STON2: variants seen among roughly 807,000 people sequenced by gnomAD.
STON2 encodes stonin-2.
In STON2, 29 loss-of-function variants were observed where a neutral mutation model predicts 65.7. The ratio of observed to expected loss-of-function variants is 0.44; its 90% CI spans 0.33 to 0.60. The LOEUF (loss-of-function observed/expected upper bound fraction) is 0.60, where lower values mean the gene tolerates loss of function less well. STON2 is among the 20% of genes least tolerant of loss of function. The probability of loss-of-function intolerance (pLI) is 0.03; values close to 1 mark genes in which losing one functional copy is unlikely to be tolerated. For synonymous variants in STON2, 404 were observed against 414.2 expected (o/e 0.98, Z 0.30); for missense variants, 1,054 against 1,118.1 (o/e 0.94, Z 0.82).
At chr14:81,298,421 G>GC (rs201472918) in intron 5 of STON2, among the ~76,000 whole-genome samples, 1,116 of 65,056 alleles carry the variant, frequency 0.017, 11 homozygotes, top group African/African-American at 0.046. Flanking sequence ...AGATGGGGGG[G>GC]GGGAATCACA....
At chr14:81,362,931 T>C (rs1275959344) in intron 4 of STON2, among the ~76,000 whole-genome samples, 1 of 152,188 alleles carries the variant, frequency 6.6e-6, no homozygotes. Flanking sequence ...CAAAGAATTG[T>C]GGTCCAGTGA....
chr14:81,382,045 C>T (rs1462095091), intron 3 of STON2, among the ~76,000 whole-genome samples: 1 of 152,022 alleles, frequency 6.6e-6, no homozygotes, highest in Non-Finnish European at 1.5e-5. Flanking sequence ...CAGTGAAACC[C>T]CATCTCTACT....
rs1448344171 is a variant in STON2 at position 81,264,096 on chromosome 14, C to T, written c.*4318G>A. On this transcript the variant is annotated 3_prime_UTR_variant, in exon 8 of 8. Coordinates refer to ENST00000614646, the MANE Select transcript of STON2 (RefSeq NM_001394390.1). ...ACCATTGAAATGGGCAAGGCTCAGG[C>T]TCATGGATCTGTTTGACTTGCAGGA... is the stretch of plus-strand genomic sequence containing the variant. 1.0e-6 allele frequency: 1 copy of T among 985,312 alleles called. No individual in the cohort carries two copies. The highest frequency in any genetic ancestry group is 1.2e-6 in the Non-Finnish European group (1 of 829,944). The allele number at this position is 985,312 out of a possible 1,614,324, so 61.0% of individuals were successfully genotyped here.
Position 81,261,770 on chromosome 14 carries a change from G to T in STON2, c.*6644C>A, listed in dbSNP as rs768154871. On this transcript the variant is annotated 3_prime_UTR_variant, in exon 8 of 8. Coordinates refer to ENST00000614646, the MANE Select transcript of STON2 (RefSeq NM_001394390.1). ...ACATCTATTTTGGAGACCTGTCTGT[G>T]CCTCTTCATGCTCACACCATTGTTC... is the stretch of plus-strand genomic sequence containing the variant. The T allele has an allele frequency of 1.1e-5, 17 of 1,510,156 alleles. No individual in the cohort carries two copies. The South Asian group carries it at 2.1e-4, about 19-fold the overall frequency. The allele number at this position is 1,510,156 out of a possible 1,614,324, so 93.5% of individuals were successfully genotyped here.
chr14:81,357,539 C>A (rs1241907561), intron 4 of STON2, among the ~76,000 whole-genome samples: 3 of 151,332 alleles, frequency 2.0e-5, no homozygotes, highest in African/African-American at 4.9e-5. Flanking sequence ...ACCCAGCCAT[C>A]CCATTACTGG....
intron 4 of STON2, among the ~76,000 whole-genome samples, chr14:81,326,950 A>G (rs557005939): frequency 1.3e-5 from 2 of 152,146 alleles, no homozygotes; most frequent in African/African-American, 2.4e-5. Flanking sequence ...CTCCCCACCC[A>G]TTGTCCTAAG....
At chr14:81,394,487 C>G (rs1900221770) in intron 3 of STON2, among the ~76,000 whole-genome samples, 1 of 152,024 alleles carries the variant, frequency 6.6e-6, no homozygotes, top group Non-Finnish European at 1.5e-5. Flanking sequence ...TTTCCAGAAC[C>G]TGTGAATATG....
intron 4 of STON2, among the ~76,000 whole-genome samples, chr14:81,332,807 T>C (rs533566160): frequency 5.9e-4 from 90 of 152,378 alleles, no homozygotes; most frequent in African/African-American, 2.1e-3. Flanking sequence ...ATATTTATTA[T>C]ATCAGTCATT....
At chr14:81,293,451 C>T (rs760632262) in intron 5 of STON2, among the ~76,000 whole-genome samples, 1 of 152,080 alleles carries the variant, frequency 6.6e-6, no homozygotes, top group Non-Finnish European at 1.5e-5. Context: ...GGATTACAGG[C>T]GTGAGTCACC....
intron 1 of STON2, among the ~76,000 whole-genome samples, chr14:81,434,741 G>T (rs143602638): frequency 1.3e-5 from 2 of 152,064 alleles, no homozygotes; most frequent in Non-Finnish European, 2.9e-5. Context: ...AAGCAGGTCC[G>T]CTACATGTCG....
intron 5 of STON2, among the ~76,000 whole-genome samples, chr14:81,319,920 G>C (rs1353450848): frequency 6.6e-6 from 1 of 152,214 alleles, no homozygotes; most frequent in Non-Finnish European, 1.5e-5. Context: ...AGGGGACCAT[G>C]TCCAGGGAAC....
chr14:81,371,677 A>C (rs67531094), intron 3 of STON2, among the ~76,000 whole-genome samples: 1,546 of 38,426 alleles, frequency 0.04, 44 homozygotes, highest in South Asian at 0.097. Flanking sequence ...GACTGAGTCT[A>C]AAAAAAAAAA....
intron 1 of STON2, among the ~76,000 whole-genome samples, chr14:81,399,267 A>G (rs1378505192): frequency 6.6e-6 from 1 of 152,210 alleles, no homozygotes; most frequent in Non-Finnish European, 1.5e-5. Context: ...AATTGACATA[A>G]TTTTGTTCAT....
chr14:81,298,175 A>G (rs1032426880), intron 5 of STON2, among the ~76,000 whole-genome samples: 19 of 152,366 alleles, frequency 1.2e-4, no homozygotes, highest in Admixed American at 2.0e-4. Context: ...TGGGGGCTCT[A>G]TAATTCCAGC....
intron 2 of STON2, among the ~76,000 whole-genome samples, chr14:81,418,714 A>G (rs1901560860): frequency 6.6e-6 from 1 of 152,224 alleles, no homozygotes; most frequent in African/African-American, 2.4e-5. Flanking sequence ...AAATTCTCTG[A>G]ATGACCACAG....
chr14:81,335,019 T>TTG lies in STON2; in HGVS notation c.572-10834_572-10833dup, dbSNP rs61658924. Among the ~76,000 whole-genome samples the TTG allele has an allele frequency of 2.8e-3, 416 of 146,378 alleles. 7 individuals are homozygous for TTG. The South Asian group carries it at 0.033, about 11-fold the overall frequency. ...CGCCTGGCTAATTTTTTTTTTGTATTTGTGTGTGTGTGTGTGTGTGTGTGT... is the reference window on the plus strand; with the variant it reads ...CGCCTGGCTAATTTTTTTTTTGTATTTGTGTGTGTGTGTGTGTGTGTGTGTGT... On this transcript the variant is annotated intron_variant, in intron 4 of 7. Coordinates refer to ENST00000614646, the MANE Select transcript of STON2 (RefSeq NM_001394390.1).
Position 81,281,163 on chromosome 14 carries a change from AT to A in STON2, c.743-2425del, listed in dbSNP as rs1895102486. 2.6e-5 allele frequency among the ~76,000 whole-genome samples: 4 copies of A among 152,330 alleles called. No homozygotes were observed. In the South Asian group the frequency reaches 8.3e-4, roughly 32 times the overall value. On this transcript the variant is annotated intron_variant, in intron 5 of 7. Transcript: ENST00000614646. ...CAGTGACTAAAAAGGATTCTAAAGC[AT>A]TTTTAAATTAAAGATGAGAATCTCC...
rs1269397458 is a variant in STON2 at position 81,261,964 on chromosome 14, A to G, written c.*6450T>C. 4 of 1,409,844 alleles carry G rather than the reference A, an allele frequency of 2.8e-6. No homozygotes were observed. The highest frequency in any genetic ancestry group is 3.7e-6 in the Non-Finnish European group (4 of 1,083,302). 87.3% of individuals were successfully genotyped at this position (1,409,844 alleles called of 1,614,324 possible). ...AATGATAAAAAAAAAAAAAAAAAAG[A>G]GAGAGATGTGAAAAGGAAAAAGATG... On this transcript the variant is annotated 3_prime_UTR_variant, in exon 8 of 8. Transcript: ENST00000614646.
chr14:81,295,556 GA>G (rs1895731613), intron 5 of STON2, among the ~76,000 whole-genome samples: 1 of 152,162 alleles, frequency 6.6e-6, no homozygotes, highest in Non-Finnish European at 1.5e-5. Context: ...CAGAATAGGG[GA>G]AAGTGGAAAG....
Sources: gnomAD v4.1 joint callset for allele counts (sites outside exome capture counted in the v4.1 genomes callset) on GRCh38, gnomAD v4.1.1 for gene constraint, MANE v1.5 for transcripts, NCBI Gene and HGNC (gene_info 2026-07-23, HGNC 2026-07-21) for gene names.